The following HTR4 variants were observed in gnomAD, a reference collection of about 807,000 sequenced individuals.
The protein encoded by HTR4 is 5-hydroxytryptamine (serotonin) receptor 4, G protein-coupled.
A neutral mutation model predicts 36.8 loss-of-function variants in HTR4; 16 were observed. The ratio of observed to expected loss-of-function variants is 0.43; its 90% CI spans 0.29 to 0.66. HTR4 has a LOEUF of 0.66. HTR4 is among the 30% of genes least tolerant of loss of function. The pLI is 0.13. For missense variants in HTR4, 438 were observed against 490.9 expected, an observed-to-expected ratio of 0.89 and a Z score of 1.02; for synonymous variants, 189 against 185.1, an observed-to-expected ratio of 1.02 and a Z score of -0.17.
At chr5:148,468,083 A>C (rs1012199880) in intron 5 of HTR4, among the ~76,000 whole-genome samples, 3 of 152,212 alleles carry the variant, frequency 2.0e-5, no homozygotes, top group Admixed American at 2.0e-4. Context: ...GATAGAGCTG[A>C]GGTAGGTCAC....
At chr5:148,522,142 G>A (rs1581419376) in intron 5 of HTR4, among the ~76,000 whole-genome samples, 4 of 152,138 alleles carry the variant, frequency 2.6e-5, no homozygotes, top group African/African-American at 2.4e-5. Flanking sequence ...CTGCAGCCAC[G>A]TAAGATGTGC....
In HTR4 at chr5:148,624,236, G is replaced by C. The variant is rs545986229; in HGVS notation, c.26+12753C>G. On this transcript the variant is annotated intron_variant, in intron 2 of 6. Coordinates refer to ENST00000377888, the MANE Select transcript of HTR4 (RefSeq NM_000870.7). ...GTATCTGTAAATTCTACAAATAGCT[G>C]TAATGTGGTAGTCAGGGATCTGAGC... is the stretch of plus-strand genomic sequence containing the variant. Among the ~76,000 whole-genome samples the C allele has an allele frequency of 3.3e-5, 5 of 152,338 alleles. No individual in the cohort carries two copies. In the East Asian group the frequency reaches 9.6e-4, roughly 29 times the overall value.
chr5:148,485,254 G>A (rs558623496), intron 6 of HTR4, among the ~76,000 whole-genome samples: 1 of 152,270 alleles, frequency 6.6e-6, no homozygotes, highest in African/African-American at 2.4e-5. Flanking sequence ...CCATTTAACA[G>A]GCAAGGAAAC....
chr5:148,624,227 CA>C (rs1252671483), intron 2 of HTR4, among the ~76,000 whole-genome samples: 1 of 152,160 alleles, frequency 6.6e-6, no homozygotes, highest in African/African-American at 2.4e-5. Context: ...GTAAATTCTA[CA>C]AATAGCTGTA....
At chr5:148,484,862 T>C (rs1210890125) in intron 6 of HTR4, among the ~76,000 whole-genome samples, 1 of 152,222 alleles carries the variant, frequency 6.6e-6, no homozygotes, top group East Asian at 1.9e-4. Context: ...GTGTAAACTC[T>C]CTAGATAACT....
At chr5:148,571,819 A>T (rs1270844766) in intron 2 of HTR4, among the ~76,000 whole-genome samples, 2 of 152,084 alleles carry the variant, frequency 1.3e-5, no homozygotes, top group African/African-American at 4.8e-5. Context: ...CCTATCAAGA[A>T]AATTAGAAAG....
In HTR4 at chr5:148,483,210, T is replaced by A; in HGVS notation, c.1160A>T (p.Asp387Val). 2 of 1,613,986 alleles carry A rather than the reference T, an allele frequency of 1.2e-6. No individual in the cohort carries two copies. Among genetic ancestry groups the A allele is most frequent in the Non-Finnish European group, 1.7e-6 (2 of 1,179,910 alleles). ...TSPLVAAQPS[D>V]T ...GGTCATTGTCCCAGGGGCCTAAGTG[T>A]CACTGGGCTGAGCAGCCACCAAAGG... Residue 387 changes from aspartate (D) to valine (V), a missense_variant, in exon 7 of 7, where the codon GAC becomes GTC. Transcript: ENST00000377888.
At chr5:148,588,141 TGA>T (rs1761418585) in intron 2 of HTR4, among the ~76,000 whole-genome samples, 4 of 152,320 alleles carry the variant, frequency 2.6e-5, no homozygotes, top group Admixed American at 2.0e-4. Context: ...ACCAACCAGC[TGA>T]GTCTCCCCTG....
At chr5:148,650,958 G>T (rs988514370) in intron 1 of HTR4, among the ~76,000 whole-genome samples, 8 of 152,106 alleles carry the variant, frequency 5.3e-5, no homozygotes, top group Non-Finnish European at 1.2e-4. Context: ...ACTATAATAT[G>T]GAGGTTCAGA....
intron 2 of HTR4, among the ~76,000 whole-genome samples, chr5:148,585,937 T>C (rs1761328320): frequency 6.6e-6 from 1 of 152,194 alleles, no homozygotes; most frequent in Non-Finnish European, 1.5e-5. Context: ...CTCTTACTTC[T>C]GGTTGGCCTT....
chr5:148,505,258 C>A (rs892876516), intron 6 of HTR4, among the ~76,000 whole-genome samples: 1 of 152,068 alleles, frequency 6.6e-6, no homozygotes, highest in East Asian at 1.9e-4. Flanking sequence ...ATAAACAGAA[C>A]CAAAGACAAA....
chr5:148,508,283 G>A (rs1181586794), intron 6 of HTR4, among the ~76,000 whole-genome samples: 1 of 152,042 alleles, frequency 6.6e-6, no homozygotes, highest in African/African-American at 2.4e-5. Flanking sequence ...TCAGGGCAAA[G>A]AAAAAAATGT....
chr5:148,639,061 A>G (rs1003559827), intron 1 of HTR4, among the ~76,000 whole-genome samples: 4 of 152,030 alleles, frequency 2.6e-5, no homozygotes, highest in Middle Eastern at 3.2e-3. Context: ...AAAAGAAAGA[A>G]AGAAAAAAAG....
chr5:148,649,937 T>A (rs1230786359), intron 1 of HTR4, among the ~76,000 whole-genome samples: 7 of 152,188 alleles, frequency 4.6e-5, no homozygotes, highest in African/African-American at 9.6e-5. Context: ...AGGAACAACA[T>A]CATCACCTGC....
chr5:148,503,887 G>C (rs1181539424), intron 6 of HTR4, among the ~76,000 whole-genome samples: 7 of 152,200 alleles, frequency 4.6e-5, no homozygotes, highest in African/African-American at 1.7e-4. Context: ...AAGATCAAAA[G>C]AGACAAAGAA....
chr5:148,561,776 G>GA (rs554451443), intron 2 of HTR4, among the ~76,000 whole-genome samples: 268 of 152,198 alleles, frequency 1.8e-3, no homozygotes, highest in Non-Finnish European at 3.3e-3. Flanking sequence ...TCAGCACAGG[G>GA]AAAAAATGTG....
chr5:148,599,853 G>A (rs1011710467), intron 2 of HTR4, among the ~76,000 whole-genome samples: 3 of 151,850 alleles, frequency 2.0e-5, no homozygotes, highest in Non-Finnish European at 2.9e-5. Context: ...CATTGTCTGA[G>A]AAATGGTAAA....
chr5:148,495,056 A>G (rs150953252), intron 6 of HTR4, among the ~76,000 whole-genome samples: 1,883 of 152,300 alleles, frequency 0.012, 20 homozygotes, highest in Middle Eastern at 0.048. Flanking sequence ...GAATTGGGTA[A>G]GTGTCCTAGG....
At chr5:148,649,248 G>A (rs1449657877) in intron 1 of HTR4, among the ~76,000 whole-genome samples, 1 of 150,644 alleles carries the variant, frequency 6.6e-6, no homozygotes, top group East Asian at 2.0e-4. Flanking sequence ...GAGATACCTT[G>A]CTTGGATGGG....
Sources: allele counts gnomAD v4.1 joint callset (sites outside exome capture counted in the v4.1 genomes callset), GRCh38; gene constraint gnomAD v4.1.1; transcripts MANE v1.5; gene names NCBI Gene and HGNC (gene_info 2026-07-23, HGNC 2026-07-21).